ICA1L: variants seen among roughly 807,000 people sequenced by gnomAD.
ICA1L encodes the protein islet cell autoantigen 1-like protein.
In ICA1L, 50 loss-of-function variants were observed where a neutral mutation model predicts 61.3. That is an observed-to-expected ratio of 0.82 (90% CI 0.65 to 1.03). The LOEUF is 1.03. Ranked by LOEUF, ICA1L falls within the 50% of genes least tolerant of loss-of-function variation. The probability of loss-of-function intolerance (pLI) is 0.00; values close to 1 mark genes in which losing one functional copy is unlikely to be tolerated. For missense variants in ICA1L, 508 were observed against 556.7 expected, an observed-to-expected ratio of 0.91 and a Z score of 0.88; for synonymous variants, 161 against 191.3, an observed-to-expected ratio of 0.84 and a Z score of 1.31.
chr2:202,816,635 T>A (rs1282779622), intron 6 of ICA1L, among the ~76,000 whole-genome samples: 1 of 152,176 alleles, frequency 6.6e-6, no homozygotes, highest in East Asian at 1.9e-4. Context: ...TATCACACAC[T>A]GTTATTTTCA....
In ICA1L at chr2:202,774,522, G is replaced by A. The variant is rs2105807659; in HGVS notation, c.*5011C>T. On this transcript the variant is annotated 3_prime_UTR_variant, in exon 13 of 13. Coordinates refer to ENST00000358299, the MANE Select transcript of ICA1L (RefSeq NM_001288622.3). ...TGGTCAGTGAGGTTTAGCCACAAGA[G>A]ATATCACAGGAGAGACACAGGAAAA... 2.4e-6 allele frequency: 1 copy of A among 420,656 alleles called. No individual in the cohort carries two copies. The highest frequency in any genetic ancestry group is 4.4e-5 in the East Asian group (1 of 22,546). The allele number at this position is 420,656 out of a possible 1,614,324, so 26.1% of individuals were successfully genotyped here.
At chr2:202,842,011 C>T (rs1453673137) in intron 1 of ICA1L, among the ~76,000 whole-genome samples, 3 of 151,870 alleles carry the variant, frequency 2.0e-5, no homozygotes, top group African/African-American at 4.8e-5. Flanking sequence ...CCACCAGGCC[C>T]AGCTAATTTT....
intron 9 of ICA1L, among the ~76,000 whole-genome samples, chr2:202,799,882 T>TC (rs1366145814): frequency 1.3e-5 from 2 of 150,504 alleles, no homozygotes; most frequent in African/African-American, 4.9e-5. Flanking sequence ...TTTATACTTT[T>TC]TTTTTTTTTT....
At chr2:202,783,120 T>C (rs1255683047) in intron 12 of ICA1L, among the ~76,000 whole-genome samples, 1 of 152,084 alleles carries the variant, frequency 6.6e-6, no homozygotes, top group Non-Finnish European at 1.5e-5. Context: ...TCCCATTCAG[T>C]AGAACACTAA....
chr2:202,786,658 C>T (rs1476796875), intron 11 of ICA1L: 1 of 433,550 alleles, frequency 2.3e-6, no homozygotes, highest in Non-Finnish European at 4.6e-6. Flanking sequence ...ATGCTGAAAC[C>T]TATAAATATG....
intron 10 of ICA1L, among the ~76,000 whole-genome samples, chr2:202,795,218 C>T (rs1479420296): frequency 6.6e-6 from 1 of 151,884 alleles, no homozygotes; most frequent in South Asian, 2.1e-4. Flanking sequence ...CTCGAACTCC[C>T]GACCTCAGGT....
chr2:202,796,735 A>G (rs1002859960), intron 10 of ICA1L, among the ~76,000 whole-genome samples, 155 bp downstream of exon 10: 1 of 152,206 alleles, frequency 6.6e-6, no homozygotes, highest in African/African-American at 2.4e-5. Flanking sequence ...ACAAATAATT[A>G]TTTAATTTCC....
chr2:202,825,409 G>T, intron 3 of ICA1L: 2 of 500,250 alleles, frequency 4.0e-6, no homozygotes, highest in Non-Finnish European at 5.8e-6. Flanking sequence ...GGTGGAGACT[G>T]TAGTGAGCTG....
At position 202,773,780 on chromosome 2, in the gene ICA1L, CG is replaced by C; in HGVS notation, c.*5752del. Reference sequence around the variant, plus strand: ...TCCAAAGGTGGAAGAATACATACACCGGTATGGTAATAGGCAAGAGCAGGCT... The same window carrying C: ...TCCAAAGGTGGAAGAATACATACACCGTATGGTAATAGGCAAGAGCAGGCT... On this transcript the variant is annotated 3_prime_UTR_variant, in exon 13 of 13. Transcript: ENST00000358299. 1 of 1,381,152 alleles carries C rather than the reference CG, an allele frequency of 7.2e-7. No individual in the cohort carries two copies. The highest frequency in any genetic ancestry group is 2.3e-5 in the East Asian group (1 of 43,550). The allele number at this position is 1,381,152 out of a possible 1,614,324, so 85.6% of individuals were successfully genotyped here.
Position 202,777,053 on chromosome 2 carries a change from T to TTC in ICA1L, c.*2479_*2480insGA, listed in dbSNP as rs1692247823. The TTC allele has an allele frequency of 7.4e-6, 1 of 134,456 alleles. No individual in the cohort carries two copies. The highest frequency in any genetic ancestry group is 7.5e-5 in the Admixed American group (1 of 13,338). The allele number at this position is 134,456 out of a possible 1,614,324, so 8.3% of individuals were successfully genotyped here. On this transcript the variant is annotated 3_prime_UTR_variant, in exon 13 of 13. Coordinates refer to ENST00000358299, the MANE Select transcript of ICA1L (RefSeq NM_001288622.3). ...CAAGACATAAAGTTAGCTTTTTTTT[T>TTC]TTTTTTTTTTTTTTTTTTTGAGAGA...
At chr2:202,852,867 C>A (rs942893688) in intron 1 of ICA1L, among the ~76,000 whole-genome samples, 3 of 150,166 alleles carry the variant, frequency 2.0e-5, no homozygotes, top group African/African-American at 7.3e-5. Flanking sequence ...ATGCATATGA[C>A]CAATGGAACA....
intron 12 of ICA1L, among the ~76,000 whole-genome samples, chr2:202,783,568 A>T (rs1407429742): frequency 6.6e-6 from 1 of 152,242 alleles, no homozygotes; most frequent in Non-Finnish European, 1.5e-5. Context: ...AAAAATGTCA[A>T]GGTCATGAGA....
intron 1 of ICA1L, chr2:202,841,023 G>A: frequency 1.5e-6 from 1 of 665,230 alleles, no homozygotes; most frequent in East Asian, 3.5e-5. Flanking sequence ...CATGTCCAGG[G>A]AGTGGCTGTT....
intron 3 of ICA1L, 127 bp downstream of exon 3, chr2:202,825,568 G>A: frequency 7.4e-7 from 1 of 1,344,236 alleles, no homozygotes; most frequent in Non-Finnish European, 9.6e-7. Flanking sequence ...ACAGGTAACT[G>A]TAAATATTCA....
intron 1 of ICA1L, among the ~76,000 whole-genome samples, chr2:202,836,381 AC>A (rs1260692362): frequency 6.6e-6 from 1 of 152,102 alleles, no homozygotes; most frequent in Non-Finnish European, 1.5e-5. Context: ...ATGGTGAATG[AC>A]CCTTCTAATG....
chr2:202,817,339 C>T (rs1021462742), intron 6 of ICA1L, 79 bp downstream of exon 6: 28 of 1,289,764 alleles, frequency 2.2e-5, no homozygotes, highest in Middle Eastern at 2.0e-4. Flanking sequence ...TAAATTTTTA[C>T]ACCCTTTAGA....
At chr2:202,782,019 C>G (rs1692422791) in intron 12 of ICA1L, among the ~76,000 whole-genome samples, 1 of 152,126 alleles carries the variant, frequency 6.6e-6, no homozygotes, top group African/African-American at 2.4e-5. Context: ...TGAAGTGAGG[C>G]TCTTAATGAA....
rs1694559672 is a variant in ICA1L at position 202,849,589 on chromosome 2, C to T, written c.-7-20573G>A. Among the ~76,000 whole-genome samples, 3 of 152,236 alleles carry T rather than the reference C, an allele frequency of 2.0e-5. No homozygotes were observed. The highest frequency in any genetic ancestry group is 1.3e-4 in the Admixed American group (2 of 15,286). ...CAGACTGCCTCTCTAGACTCCTCCT[C>T]ACTGGGCAGGGCATCTCTGAAAGAA... is the stretch of plus-strand genomic sequence containing the variant. On this transcript the variant is annotated intron_variant, in intron 1 of 12. Coordinates refer to ENST00000358299, the MANE Select transcript of ICA1L (RefSeq NM_001288622.3). This position sits in a 1 kb window ranked among gnomAD's most constrained non-coding sequence, Gnocchi z 4.5.
chr2:202,853,875 G>A (rs570362534), intron 1 of ICA1L, among the ~76,000 whole-genome samples: 5 of 152,220 alleles, frequency 3.3e-5, no homozygotes, highest in East Asian at 1.9e-4. Context: ...CCTGCCTTAC[G>A]AGAGCTCCTG....
Sources: allele counts gnomAD v4.1 joint callset (sites outside exome capture counted in the v4.1 genomes callset), GRCh38; gene constraint gnomAD v4.1.1; non-coding constraint Gnocchi (gnomAD v3.1); transcripts MANE v1.5; gene names NCBI Gene and HGNC (gene_info 2026-07-23, HGNC 2026-07-21).